Variants in AUTS2 observed in about 807,000 individuals in gnomAD.
The protein encoded by AUTS2 is autism susceptibility gene 2 protein.
AUTS2 carries 17 observed loss-of-function variants against 112.4 expected under a neutral mutation model. The ratio of observed to expected loss-of-function variants is 0.15; its 90% CI spans 0.10 to 0.23. The LOEUF is 0.23. Ranked by LOEUF, AUTS2 falls within the 10% of genes least tolerant of loss-of-function variation. The pLI is 1.00. For synonymous variants in AUTS2, 751 were observed against 702.7 expected, an observed-to-expected ratio of 1.07 and a Z score of -1.09; for missense variants, 1,510 against 1,701.6, an observed-to-expected ratio of 0.89 and a Z score of 1.98.
chr7:69,915,186 T>C (rs754749066), intron 2 of AUTS2, among the ~76,000 whole-genome samples: 7 of 152,230 alleles, frequency 4.6e-5, no homozygotes, highest in Non-Finnish European at 1.0e-4. Context: ...AGAGAGGGAA[T>C]ACCTTCAGAG....
intron 6 of AUTS2, chr7:70,699,551 G>C (rs1408291464): frequency 6.6e-6 from 1 of 152,182 alleles, no homozygotes; most frequent in Non-Finnish European, 1.5e-5. Flanking sequence ...TCCAAGTGCA[G>C]TTATTTTGAG....
rs61267230 is a variant in AUTS2 at position 70,208,011 on chromosome 7, C to CAAA, written c.660+73461_660+73463dup. ...GGGCAACAAGAGTGAAACTCCATCT[C>CAAA]AAAAAAAAAAAAAAAAAAAAAAACC... On this transcript the variant is annotated intron_variant, in intron 4 of 18. Coordinates refer to ENST00000342771, the MANE Select transcript of AUTS2 (RefSeq NM_015570.4). Among the ~76,000 whole-genome samples, 286 of 47,754 alleles carry CAAA rather than the reference C, an allele frequency of 6.0e-3. 2 individuals are homozygous for CAAA. Among genetic ancestry groups the CAAA allele is most frequent in the African/African-American group, 0.015 (187 of 12,368 alleles). 31.3% of individuals were successfully genotyped at this position (47,754 alleles called of 152,430 possible). A position where few individuals can be genotyped will look rare whatever the true frequency, so the allele number is the denominator to read the frequency against.
At chr7:70,723,835 T>C (rs1181108125) in intron 6 of AUTS2, among the ~76,000 whole-genome samples, 1 of 151,970 alleles carries the variant, frequency 6.6e-6, no homozygotes, top group Non-Finnish European at 1.5e-5. Context: ...GATCAAGTAT[T>C]CCTGAAACTA....
At chr7:70,773,176 C>CG (rs1481407896) in intron 11 of AUTS2, among the ~76,000 whole-genome samples, 1 of 152,150 alleles carries the variant, frequency 6.6e-6, no homozygotes, top group African/African-American at 2.4e-5. Context: ...TCTTTTCCCC[C>CG]CCTTCTCCTT....
intron 5 of AUTS2, among the ~76,000 whole-genome samples, chr7:70,674,158 G>A (rs1807791041): frequency 6.6e-6 from 1 of 152,166 alleles, no homozygotes; most frequent in Non-Finnish European, 1.5e-5. Flanking sequence ...GATGTGCTGT[G>A]TGCTAAAGGG....
chr7:70,535,777 C>G (rs1356733428), intron 5 of AUTS2, among the ~76,000 whole-genome samples: 1 of 152,168 alleles, frequency 6.6e-6, no homozygotes, highest in African/African-American at 2.4e-5. Flanking sequence ...CACTGGTGGA[C>G]CACACTGGCT....
chr7:69,957,255 T>C (rs1193252132), intron 2 of AUTS2, among the ~76,000 whole-genome samples: 2 of 151,694 alleles, frequency 1.3e-5, no homozygotes, highest in African/African-American at 4.8e-5. Context: ...AGCAGGAAAA[T>C]GACAGAGTTG....
At chr7:70,150,154 T>G (rs959519303) in intron 4 of AUTS2, among the ~76,000 whole-genome samples, 8 of 152,140 alleles carry the variant, frequency 5.3e-5, no homozygotes, top group Non-Finnish European at 1.0e-4. Context: ...ATTGTTTAAT[T>G]TAGTACATTT....
intron 5 of AUTS2, among the ~76,000 whole-genome samples, chr7:70,615,887 G>C (rs1167527279): frequency 6.6e-6 from 1 of 152,070 alleles, no homozygotes; most frequent in African/African-American, 2.4e-5. Context: ...TGAGATTACA[G>C]GTGCTGGCCA....
intron 2 of AUTS2, among the ~76,000 whole-genome samples, chr7:70,083,984 G>A (rs1584694658): frequency 3.3e-5 from 5 of 151,516 alleles, no homozygotes; most frequent in Admixed American, 2.6e-4. Context: ...ACCCCCAAAA[G>A]TTTCCTCCTT....
At chr7:70,545,882 G>A (rs148539028) in intron 5 of AUTS2, among the ~76,000 whole-genome samples, 94 of 152,280 alleles carry the variant, frequency 6.2e-4, no homozygotes, top group Admixed American at 1.3e-3. Context: ...GGTAGACATG[G>A]AGATGAAACA....
At chr7:69,846,114 C>A (rs1365269772) in intron 1 of AUTS2, among the ~76,000 whole-genome samples, 1 of 147,534 alleles carries the variant, frequency 6.8e-6, no homozygotes, top group Non-Finnish European at 1.5e-5. Context: ...TTTTTTTGGT[C>A]TGTGCCTTTT....
chr7:70,088,343 C>T (rs529604801), intron 2 of AUTS2, among the ~76,000 whole-genome samples: 3 of 151,708 alleles, frequency 2.0e-5, no homozygotes, highest in South Asian at 2.1e-4. Flanking sequence ...TAGCCAGGAT[C>T]GTCTCGATTT....
Position 70,409,938 on chromosome 7 carries a change from A to ACC in AUTS2, c.661-25812_661-25811dup, listed in dbSNP as rs1341705369. Among the ~76,000 whole-genome samples, 6 of 152,240 alleles carry ACC rather than the reference A, an allele frequency of 3.9e-5. No individual in the cohort carries two copies. The East Asian group carries it at 9.7e-4, about 25-fold the overall frequency. On this transcript the variant is annotated intron_variant, in intron 4 of 18. Coordinates refer to ENST00000342771, the MANE Select transcript of AUTS2 (RefSeq NM_015570.4). Reference sequence around the variant, plus strand: ...AGGCAACTCAGGGACCTGTTCTCTGACCCACGCACTTGAACAGTGTTCACA... The same window carrying ACC: ...AGGCAACTCAGGGACCTGTTCTCTGACCCCCACGCACTTGAACAGTGTTCACA...
chr7:70,447,399 G>C (rs949333035), intron 5 of AUTS2, among the ~76,000 whole-genome samples: 2 of 152,230 alleles, frequency 1.3e-5, no homozygotes, highest in African/African-American at 4.8e-5. Context: ...CTAGTGTTCA[G>C]TGCTACAGAG....
intron 4 of AUTS2, among the ~76,000 whole-genome samples, chr7:70,222,368 G>T (rs1167217453): frequency 6.6e-6 from 1 of 152,170 alleles, no homozygotes; most frequent in Non-Finnish European, 1.5e-5. Flanking sequence ...TTCTTATCAA[G>T]AAATGGATAG....
At chr7:69,631,075 T>C (rs1794213147) in intron 1 of AUTS2, among the ~76,000 whole-genome samples, 1 of 152,168 alleles carries the variant, frequency 6.6e-6, no homozygotes, top group African/African-American at 2.4e-5. Flanking sequence ...GCCTGCCCCA[T>C]GGGGTTCACA....
chr7:69,813,508 C>T (rs1790635096), intron 1 of AUTS2, among the ~76,000 whole-genome samples: 1 of 152,292 alleles, frequency 6.6e-6, no homozygotes, highest in Middle Eastern at 3.4e-3. Context: ...AATTATTTAA[C>T]CTTTCTAAGC....
intron 3 of AUTS2, among the ~76,000 whole-genome samples, chr7:70,129,966 G>C (rs980514212): frequency 6.6e-6 from 1 of 151,350 alleles, no homozygotes; most frequent in Non-Finnish European, 1.5e-5. Flanking sequence ...TCCAAGGTAC[G>C]TTTCTTTGGA....
Sources: gnomAD v4.1 joint callset for allele counts (sites outside exome capture counted in the v4.1 genomes callset) on GRCh38, gnomAD v4.1.1 for gene constraint, MANE v1.5 for transcripts, NCBI Gene and HGNC (gene_info 2026-07-23, HGNC 2026-07-21) for gene names.